Variants in SUMF1 observed in about 807,000 individuals in gnomAD.
The protein encoded by SUMF1 is sulfatase modifying factor 1, also known as formylglycine-generating enzyme.
Under a neutral mutation model 47.6 loss-of-function variants are expected in SUMF1, and 48 were observed. The ratio of observed to expected loss-of-function variants is 1.01; its 90% CI spans 0.80 to 1.28. The LOEUF is 1.28. Among genes scored for constraint, SUMF1 ranks in the 50% most tolerant of loss-of-function variants. SUMF1 has a pLI of 0.00. For missense variants in SUMF1, 571 were observed against 485.4 expected (o/e 1.18, Z -1.66); for synonymous variants, 230 against 192.1 (o/e 1.20, Z -1.63).
intron 6 of SUMF1, among the ~76,000 whole-genome samples, chr3:4,415,604 G>A (rs79547106): frequency 2.6e-5 from 4 of 152,218 alleles, no homozygotes; most frequent in Admixed American, 6.5e-5. Flanking sequence ...CCTGAAGTCA[G>A]GAGTTCAAGA....
Position 4,313,448 on chromosome 3 carries a change from G to A in SUMF1, c.1014+62882C>T, listed in dbSNP as rs149944142. The A allele has an allele frequency of 2.0e-4, 326 of 1,613,774 alleles. No individual in the cohort carries two copies. The highest frequency in any genetic ancestry group is 2.7e-4 in the Non-Finnish European group (314 of 1,179,980). ...CCAAACCTTTTGATGATTCCTGTCC[G>A]AATTGACTCAATGGTACCTAAGTTG... On this transcript the variant is annotated intron_variant and NMD_transcript_variant, in intron 8 of 12. Transcript: ENST00000448413.
At chr3:4,377,864 A>G (rs1700378350) in intron 7 of SUMF1, among the ~76,000 whole-genome samples, 1 of 152,196 alleles carries the variant, frequency 6.6e-6, no homozygotes, top group African/African-American at 2.4e-5. Context: ...ATTTGCTCCA[A>G]AAACGCAAGA....
chr3:4,351,633 T>A (rs946928620), intron 8 of SUMF1, among the ~76,000 whole-genome samples: 1 of 151,846 alleles, frequency 6.6e-6, no homozygotes, highest in African/African-American at 2.4e-5. Context: ...ACGCCGCCCC[T>A]AAAAAAAAGT....
chr3:4,104,606 C>T lies in SUMF1; in HGVS notation c.1015-35861G>A, dbSNP rs569854813. 2.0e-5 allele frequency among the ~76,000 whole-genome samples: 3 copies of T among 152,018 alleles called. No homozygotes were observed. The East Asian group carries it at 5.8e-4, about 29-fold the overall frequency. On this transcript the variant is annotated intron_variant and NMD_transcript_variant, in intron 8 of 12. Coordinates refer to the SUMF1 transcript ENST00000448413. ...TCCGGATACCCACCCTGCTGGGCCA[C>T]CTCAGGTTGGTGTCCTGTACTAAAG...
intron 8 of SUMF1, among the ~76,000 whole-genome samples, chr3:4,165,510 G>T (rs530954356): frequency 6.6e-6 from 1 of 152,212 alleles, no homozygotes; most frequent in East Asian, 1.9e-4. Flanking sequence ...TAAGCTGAGA[G>T]GTCCTCCTGT....
downstream of SUMF1, among the ~76,000 whole-genome samples, chr3:4,357,283 G>A (rs1010952211): frequency 6.0e-5 from 9 of 149,740 alleles, no homozygotes; most frequent in East Asian, 5.8e-4. Context: ...CTATGTTTAC[G>A]GTGTTCCAGA....
intron 1 of SUMF1, among the ~76,000 whole-genome samples, chr3:4,455,482 G>A (rs1703127689): frequency 2.0e-5 from 3 of 152,170 alleles, no homozygotes; most frequent in Admixed American, 1.3e-4. Flanking sequence ...TTGGGAGGCC[G>A]AGGCAGGTGG....
rs561923160 is a variant in SUMF1 at position 4,269,134 on chromosome 3, A to G, written c.1014+107196T>C. 1.4e-4 allele frequency among the ~76,000 whole-genome samples: 21 copies of G among 152,242 alleles called. No homozygotes were observed. The South Asian group carries it at 3.9e-3, about 29-fold the overall frequency. On this transcript the variant is annotated intron_variant and NMD_transcript_variant, in intron 8 of 12. Transcript: ENST00000448413. ...GTACAGCAAAAATAATCACTGCCAT[A>G]GATGTGTTTTGGCTGTCTTTTGATC...
At chr3:4,341,307 T>C (rs1181388437) in intron 8 of SUMF1, among the ~76,000 whole-genome samples, 1 of 152,114 alleles carries the variant, frequency 6.6e-6, no homozygotes, top group Non-Finnish European at 1.5e-5. Flanking sequence ...GACATCATGA[T>C]ACAATTCACA....
intron 8 of SUMF1, among the ~76,000 whole-genome samples, chr3:4,165,095 T>C (rs905332322): frequency 1.3e-5 from 2 of 152,180 alleles, no homozygotes; most frequent in African/African-American, 4.8e-5. Context: ...GTAGGGAATT[T>C]GTCCCTTTCT....
intron 8 of SUMF1, among the ~76,000 whole-genome samples, chr3:4,211,121 T>TATATATATATATATAC (rs150373609): frequency 4.4e-4 from 56 of 128,304 alleles, no homozygotes; most frequent in African/African-American, 1.4e-3. Flanking sequence ...TATATATATA[T>TATATATATATATATAC]ACACACACAC....
At chr3:4,380,895 G>T (rs1310747628) in intron 7 of SUMF1, among the ~76,000 whole-genome samples, 1 of 152,176 alleles carries the variant, frequency 6.6e-6, no homozygotes, top group Non-Finnish European at 1.5e-5. Context: ...TAAAACACCT[G>T]GGAGGGCATG....
At chr3:4,237,268 G>T (rs1165372380) in intron 8 of SUMF1, among the ~76,000 whole-genome samples, 1 of 152,062 alleles carries the variant, frequency 6.6e-6, no homozygotes, top group Non-Finnish European at 1.5e-5. Context: ...AGTTCCTGTT[G>T]CTCCATGTAC....
At chr3:4,263,053 T>A (rs1395015848) in intron 8 of SUMF1, among the ~76,000 whole-genome samples, 3 of 152,150 alleles carry the variant, frequency 2.0e-5, no homozygotes, top group African/African-American at 7.2e-5. Flanking sequence ...TCTTTATTTT[T>A]TAAATGGGGG....
chr3:4,357,313 G>GT (rs928232357), downstream of SUMF1, among the ~76,000 whole-genome samples: 94 of 94,084 alleles, frequency 1.0e-3, no homozygotes, highest in Middle Eastern at 0.011. Context: ...GTTTACGGTG[G>GT]TTTTTTTTTT....
chr3:4,285,671 G>A (rs933947835), intron 8 of SUMF1, among the ~76,000 whole-genome samples: 3 of 151,768 alleles, frequency 2.0e-5, no homozygotes, highest in African/African-American at 7.3e-5. Flanking sequence ...ATGCATTTTG[G>A]GCCTTACACA....
intron 8 of SUMF1, among the ~76,000 whole-genome samples, chr3:4,292,633 C>A (rs1389397520): frequency 6.6e-6 from 1 of 152,184 alleles, no homozygotes; most frequent in Non-Finnish European, 1.5e-5. Context: ...AAAGCTAGAG[C>A]AGATGGCTGG....
At chr3:4,264,408 A>G (rs1697147419) in intron 8 of SUMF1, among the ~76,000 whole-genome samples, 1 of 152,238 alleles carries the variant, frequency 6.6e-6, no homozygotes, top group Middle Eastern at 3.4e-3. Flanking sequence ...TTCCTTTCTC[A>G]CCGTCAAGTA....
chr3:4,099,407 G>C (rs1236833663), intron 8 of SUMF1, among the ~76,000 whole-genome samples: 3 of 152,040 alleles, frequency 2.0e-5, no homozygotes, highest in African/African-American at 7.3e-5. Context: ...ACAAAAGTCA[G>C]CATATTTTTA....
Sources: gnomAD v4.1 joint callset for allele counts (sites outside exome capture counted in the v4.1 genomes callset) on GRCh38, gnomAD v4.1.1 for gene constraint, MANE v1.5 for transcripts, NCBI Gene and HGNC (gene_info 2026-07-23, HGNC 2026-07-21) for gene names.